Variants in SGCD observed in about 807,000 individuals in gnomAD.
SGCD encodes delta-sarcoglycan.
A neutral mutation model predicts 36.6 loss-of-function variants in SGCD; 18 were observed. That is an observed-to-expected ratio of 0.49 (90% CI 0.34 to 0.73). SGCD has a LOEUF of 0.73. SGCD is among the 30% of genes least tolerant of loss of function. The pLI is 0.01. For missense variants in SGCD, 387 were observed against 346.7 expected (o/e 1.12, Z -0.92); for synonymous variants, 133 against 130.6 (o/e 1.02, Z -0.12).
At chr5:156,729,410 C>T (rs10515743) in intron 7 of SGCD, among the ~76,000 whole-genome samples, 9,736 of 152,220 alleles carry the variant, frequency 0.064, 435 homozygotes, top group African/African-American at 0.12. Flanking sequence ...AGTGGCTTAA[C>T]GCAAAGGCCT....
At chr5:156,673,172 A>T (rs1393208546) in intron 7 of SGCD, among the ~76,000 whole-genome samples, 1 of 152,228 alleles carries the variant, frequency 6.6e-6, no homozygotes, top group East Asian at 1.9e-4. Flanking sequence ...ACTGTCTGCA[A>T]CACATTGTTT....
chr5:155,751,158 T>C, the SGCD span, among the ~76,000 whole-genome samples: 1 of 152,200 alleles, frequency 6.6e-6, no homozygotes. Flanking sequence ...GAGTAACGGA[T>C]GCATTTATTT....
chr5:156,356,095 A>G (rs144093566), intron 3 of SGCD, among the ~76,000 whole-genome samples: 1 of 152,324 alleles, frequency 6.6e-6, no homozygotes, highest in East Asian at 1.9e-4. Context: ...ATCTTCATTC[A>G]TTTAATTACT....
the SGCD span, among the ~76,000 whole-genome samples, chr5:155,783,391 T>C: frequency 0.051 from 7,734 of 152,238 alleles, 624 homozygotes; most frequent in African/African-American, 0.17. Flanking sequence ...GGATGACTCA[T>C]GATTAAGTGG....
At chr5:156,519,643 A>C (rs188878206) in intron 4 of SGCD, among the ~76,000 whole-genome samples, 1 of 152,212 alleles carries the variant, frequency 6.6e-6, no homozygotes, top group Non-Finnish European at 1.5e-5. Context: ...AAACGAATTC[A>C]GCAGCACATC....
chr5:155,833,089 G>T, the SGCD span, among the ~76,000 whole-genome samples: 1 of 150,938 alleles, frequency 6.6e-6, no homozygotes, highest in South Asian at 2.1e-4. Context: ...AATTAGCCAG[G>T]CATGGTGGGA....
intron 1 of SGCD, among the ~76,000 whole-genome samples, chr5:155,910,131 T>C (rs566283917): frequency 1.3e-5 from 2 of 152,188 alleles, no homozygotes; most frequent in African/African-American, 2.4e-5. Flanking sequence ...TGGGTGAGGA[T>C]GGGAAATGTG....
intron 2 of SGCD, among the ~76,000 whole-genome samples, chr5:156,334,004 A>G (rs1028440496): frequency 2.0e-5 from 3 of 150,604 alleles, no homozygotes; most frequent in African/African-American, 7.3e-5. Context: ...AAGTCACTTC[A>G]CCTCCCTGAA....
At chr5:155,881,372 T>G (rs1349497074) in intron 1 of SGCD, among the ~76,000 whole-genome samples, 2 of 151,972 alleles carry the variant, frequency 1.3e-5, no homozygotes, top group Non-Finnish European at 2.9e-5. Flanking sequence ...GGTTTCCCAG[T>G]GCATATAAAG....
the SGCD span, among the ~76,000 whole-genome samples, chr5:155,848,055 G>T: frequency 6.6e-4 from 100 of 152,268 alleles, no homozygotes; most frequent in South Asian, 4.6e-3. Flanking sequence ...AATTTTAGAT[G>T]ATTGAATGAA....
At chr5:155,730,538 T>C in the SGCD span, among the ~76,000 whole-genome samples, 1 of 151,548 alleles carries the variant, frequency 6.6e-6, no homozygotes, top group Admixed American at 6.6e-5. Context: ...AGGCACTCCG[T>C]TTTTACTTAG....
intron 3 of SGCD, among the ~76,000 whole-genome samples, chr5:156,273,664 A>G (rs1174510247): frequency 1.3e-5 from 2 of 152,216 alleles, no homozygotes; most frequent in Non-Finnish European, 2.9e-5. Flanking sequence ...GAAGCCTTGA[A>G]TATTTGCTAT....
chr5:156,033,482 A>G (rs1394987721), intron 1 of SGCD, among the ~76,000 whole-genome samples: 1 of 152,180 alleles, frequency 6.6e-6, no homozygotes, highest in Non-Finnish European at 1.5e-5. Flanking sequence ...AAGTGAGAAC[A>G]TGCAGTATTT....
chr5:156,416,516 T>TA (rs796185590), intron 3 of SGCD, among the ~76,000 whole-genome samples: 6 of 151,606 alleles, frequency 4.0e-5, no homozygotes, highest in South Asian at 2.1e-4. Flanking sequence ...ACTACTGAAA[T>TA]AAAAAAAAAT....
the SGCD span, among the ~76,000 whole-genome samples, chr5:155,764,011 T>G: frequency 6.6e-6 from 1 of 152,144 alleles, no homozygotes; most frequent in Non-Finnish European, 1.5e-5. Flanking sequence ...ATTTTGTACC[T>G]TTTTGCTTTT....
the SGCD span, among the ~76,000 whole-genome samples, chr5:155,818,490 G>A: frequency 6.6e-6 from 1 of 152,012 alleles, no homozygotes. Flanking sequence ...GTGACTTAGG[G>A]ATTTTAGACT....
At position 156,344,476 on chromosome 5, in the gene SGCD, T is replaced by A. The variant is rs761148697; in HGVS notation, c.4-13T>A. 7 of 1,544,110 alleles carry A rather than the reference T, an allele frequency of 4.5e-6. No individual in the cohort carries two copies. Among genetic ancestry groups the A allele is most frequent in the Middle Eastern group, 1.8e-4 (1 of 5,700 alleles). ...TTAATGTGAGTGCTTCTCTCTTGCCTCGTTTATTTCAGATGCCTCAGGAGC... is the reference window on the plus strand; with the variant it reads ...TTAATGTGAGTGCTTCTCTCTTGCCACGTTTATTTCAGATGCCTCAGGAGC... On this transcript the variant is annotated splice_polypyrimidine_tract_variant and intron_variant, in intron 2 of 8. Coordinates refer to ENST00000337851, the MANE Select transcript of SGCD (RefSeq NM_000337.6).
chr5:156,220,877 G>A (rs1213637764), intron 3 of SGCD, among the ~76,000 whole-genome samples: 3 of 152,112 alleles, frequency 2.0e-5, no homozygotes. Flanking sequence ...GCAACAGGGA[G>A]TTAGTGATTT....
chr5:156,537,923 A>G (rs1404940883), intron 4 of SGCD, among the ~76,000 whole-genome samples: 1 of 152,050 alleles, frequency 6.6e-6, no homozygotes, highest in African/African-American at 2.4e-5. Flanking sequence ...GCCTGGAAAG[A>G]CATACCGTCT....
Sources: gnomAD v4.1 joint callset for allele counts (sites outside exome capture counted in the v4.1 genomes callset) on GRCh38, gnomAD v4.1.1 for gene constraint, MANE v1.5 for transcripts, NCBI Gene and HGNC (gene_info 2026-07-23, HGNC 2026-07-21) for gene names.